SLC9C1: variants seen among roughly 807,000 people sequenced by gnomAD.
SLC9C1 encodes sodium/hydrogen exchanger 10.
In SLC9C1, 97 loss-of-function variants were observed where a neutral mutation model predicts 140.9. The ratio of observed to expected loss-of-function variants is 0.69; its 90% CI spans 0.58 to 0.82. The LOEUF is 0.82. Among genes scored for constraint, SLC9C1 ranks in the 40% least tolerant of loss-of-function variants. The pLI is 0.00. For missense variants in SLC9C1, 1,340 were observed against 1,389.3 expected (o/e 0.96, Z 0.56); for synonymous variants, 440 against 442.6 (o/e 0.99, Z 0.07).
intron 15 of SLC9C1, among the ~76,000 whole-genome samples, chr3:112,214,863 G>T (rs1345963022): frequency 2.0e-5 from 3 of 152,068 alleles, no homozygotes; most frequent in Non-Finnish European, 4.4e-5. Flanking sequence ...ATTTTATGAG[G>T]CCAGCATCAT....
intron 26 of SLC9C1, among the ~76,000 whole-genome samples, chr3:112,164,250 T>A (rs2075396593): frequency 6.6e-6 from 1 of 151,044 alleles, no homozygotes; most frequent in Non-Finnish European, 1.5e-5. Context: ...TGTCTTTTAA[T>A]TGGAGCACTT....
intron 10 of SLC9C1, among the ~76,000 whole-genome samples, chr3:112,260,482 C>A (rs1417336209): frequency 6.6e-6 from 1 of 152,016 alleles, no homozygotes; most frequent in African/African-American, 2.4e-5. Flanking sequence ...TGCTTCTTCA[C>A]ATGCATAGTA....
chr3:112,163,818 G>C (rs2075380389), intron 26 of SLC9C1, among the ~76,000 whole-genome samples: 1 of 152,180 alleles, frequency 6.6e-6, no homozygotes, highest in East Asian at 1.9e-4. Context: ...TACAATTCCT[G>C]GGTATCCTTG....
At chr3:112,240,946 G>T (rs2079122644) in intron 11 of SLC9C1, among the ~76,000 whole-genome samples, 1 of 151,778 alleles carries the variant, frequency 6.6e-6, no homozygotes, top group Non-Finnish European at 1.5e-5. Flanking sequence ...CATGGACATA[G>T]AGGGTAGAAT....
chr3:112,210,053 G>A (rs998351046), intron 15 of SLC9C1, among the ~76,000 whole-genome samples: 1 of 152,124 alleles, frequency 6.6e-6, no homozygotes, highest in Non-Finnish European at 1.5e-5. Context: ...AAAGTTGAAG[G>A]ACTTATACTT....
intron 23 of SLC9C1, among the ~76,000 whole-genome samples, chr3:112,171,438 C>T (rs2077245757): frequency 6.6e-6 from 1 of 151,984 alleles, no homozygotes; most frequent in African/African-American, 2.4e-5. Context: ...CATTCTTTGC[C>T]CAGTTTTTAA....
Position 112,278,867 on chromosome 3 carries a change from T to C in SLC9C1, c.190-10A>G. On this transcript the variant is annotated splice_polypyrimidine_tract_variant and intron_variant, in intron 3 of 28. Coordinates refer to ENST00000305815, the MANE Select transcript of SLC9C1 (RefSeq NM_183061.3). The stretch of plus-strand genomic sequence containing the variant: ...TTGCGTATCTTTGGACCTAATATTA[T>C]ACAAATATATCATCTTCTCATTTAT... 4 of 1,598,462 alleles carry C rather than the reference T, an allele frequency of 2.5e-6. No individual in the cohort carries two copies. Among genetic ancestry groups the C allele is most frequent in the South Asian group, 1.1e-5 (1 of 88,136 alleles).
At chr3:112,278,602 A>C in intron 4 of SLC9C1, 127 bp downstream of exon 4, 1 of 987,482 alleles carries the variant, frequency 1.0e-6, no homozygotes, top group Non-Finnish European at 1.4e-6. Flanking sequence ...GATGAAGCTG[A>C]ATTTATTACT....
intron 13 of SLC9C1, 115 bp from the exon 14 acceptor site, chr3:112,221,340 T>C: frequency 2.3e-6 from 2 of 865,946 alleles, no homozygotes; most frequent in East Asian, 5.4e-5. Flanking sequence ...CTAGTCTGTT[T>C]GTAAAAAGAA....
intron 25 of SLC9C1, among the ~76,000 whole-genome samples, 189 bp from the exon 26 acceptor site, chr3:112,167,536 A>G (rs1446915437): frequency 6.6e-6 from 1 of 152,170 alleles, no homozygotes; most frequent in African/African-American, 2.4e-5. Flanking sequence ...TCACTATTCC[A>G]TATACATTCA....
chr3:112,168,967 G>A lies in SLC9C1; in HGVS notation c.3147C>T (p.Ile1049=). ...CAGCTCCATGTATGAGGATAACATAGATTAGATTTTCATCATAAATATCAG... is the reference window on the plus strand; with the variant it reads ...CAGCTCCATGTATGAGGATAACATAAATTAGATTTTCATCATAAATATCAG... The part of the protein sequence containing the change: ...TKTDIYDENL[I]YVILIHGAVE... Residue 1049 remains isoleucine (I), a synonymous_variant, in exon 25 of 29, where the codon ATC becomes ATT. Coordinates refer to ENST00000305815, the MANE Select transcript of SLC9C1 (RefSeq NM_183061.3). The A allele has an allele frequency of 1.2e-6, 2 of 1,612,132 alleles. No individual in the cohort carries two copies. The highest frequency in any genetic ancestry group is 1.7e-6 in the Non-Finnish European group (2 of 1,179,312).
chr3:112,219,051 T>C (rs1225527344), intron 14 of SLC9C1, among the ~76,000 whole-genome samples: 2 of 152,238 alleles, frequency 1.3e-5, no homozygotes, highest in African/African-American at 2.4e-5. Context: ...CTAATAAGAT[T>C]CTTCTGAGGT....
At chr3:112,292,332 T>C (rs377602781) in intron 1 of SLC9C1, among the ~76,000 whole-genome samples, 1 of 152,138 alleles carries the variant, frequency 6.6e-6, no homozygotes, top group Non-Finnish European at 1.5e-5. Flanking sequence ...AATTCAGAGA[T>C]ATATATGATC....
At chr3:112,268,203 AC>A (rs2079976767) in intron 7 of SLC9C1, among the ~76,000 whole-genome samples, 1 of 152,120 alleles carries the variant, frequency 6.6e-6, no homozygotes, top group Non-Finnish European at 1.5e-5. Context: ...CACATGAGGA[AC>A]CCACCTGAAT....
intron 20 of SLC9C1, among the ~76,000 whole-genome samples, chr3:112,187,966 ATTC>A (rs2077571599): frequency 6.6e-6 from 1 of 151,912 alleles, no homozygotes; most frequent in Admixed American, 6.5e-5. Context: ...GATATTTAAA[ATTC>A]TTGTTTATTT....
At position 112,250,419 on chromosome 3, in the gene SLC9C1, TATATACCTAGTAATGGGA is replaced by T. The variant is rs1290248757; in HGVS notation, c.1198-6361_1198-6344del. On this transcript the variant is annotated intron_variant, in intron 10 of 28. Transcript: ENST00000305815. The stretch of plus-strand genomic sequence containing the variant: ...GCAGCATGTTTTATAATCCTTTGGG[TATATACCTAGTAATGGGA>T]TGGCTGGGTCAAATGGTATTTCTAG... Among the ~76,000 whole-genome samples, 3 of 140,878 alleles carry T rather than the reference TATATACCTAGTAATGGGA, an allele frequency of 2.1e-5. No individual in the cohort carries two copies. In the Admixed American group the frequency reaches 2.2e-4, roughly 10 times the overall value. 92.4% of individuals were successfully genotyped at this position (140,878 alleles called of 152,430 possible). A position where few individuals can be genotyped will look rare whatever the true frequency, so the allele number is the denominator to read the frequency against.
chr3:112,224,850 A>G (rs4352358), intron 13 of SLC9C1, among the ~76,000 whole-genome samples: 68,925 of 151,728 alleles, frequency 0.45, 16,149 homozygotes, highest in East Asian at 0.63. Flanking sequence ...AGATAGAAAG[A>G]GCGAGCCAAA....
At position 112,224,831 on chromosome 3, in the gene SLC9C1, AAGAT is replaced by A. The variant is rs779856619; in HGVS notation, c.1573-3610_1573-3607del. On this transcript the variant is annotated intron_variant, in intron 13 of 28. Transcript: ENST00000305815. ...AAAGAGAGAAAGAGAGAAAGAAAGAAAGATAGATAGATAGAAAGAGCGAGCCAAA... is the reference window on the plus strand; with the variant it reads ...AAAGAGAGAAAGAGAGAAAGAAAGAAAGATAGATAGAAAGAGCGAGCCAAA... Among the ~76,000 whole-genome samples the A allele has an allele frequency of 2.3e-3, 346 of 152,082 alleles. 1 individual carries two copies. Among genetic ancestry groups the A allele is most frequent in the South Asian group, 3.5e-3 (17 of 4,826 alleles).
At chr3:112,236,072 G>A (rs1289429914) in intron 12 of SLC9C1, among the ~76,000 whole-genome samples, 2 of 152,142 alleles carry the variant, frequency 1.3e-5, no homozygotes, top group Non-Finnish European at 2.9e-5. Context: ...ACCTCTGGTA[G>A]AATTCGGCTG....
Sources: gnomAD v4.1 joint callset for allele counts (sites outside exome capture counted in the v4.1 genomes callset) on GRCh38, gnomAD v4.1.1 for gene constraint, MANE v1.5 for transcripts, NCBI Gene and HGNC (gene_info 2026-07-23, HGNC 2026-07-21) for gene names.